The following CMTM3 variants were observed in gnomAD, a reference collection of about 807,000 sequenced individuals.
CMTM3 encodes CKLF like MARVEL transmembrane domain containing 3.
In CMTM3, 7 loss-of-function variants were observed where a neutral mutation model predicts 18.2. That is an observed-to-expected ratio of 0.38 (90% confidence interval 0.22 to 0.72). The LOEUF is 0.72. CMTM3 is among the 30% of genes least tolerant of loss of function. The probability of loss-of-function intolerance (pLI) is 0.46; values close to 1 mark genes in which losing one functional copy is unlikely to be tolerated. For missense variants in CMTM3, 227 were observed against 249.2 expected, an observed-to-expected ratio of 0.91 and a Z score of 0.60; for synonymous variants, 109 against 111.2, an observed-to-expected ratio of 0.98 and a Z score of 0.12.
intron 1 of CMTM3, among the ~76,000 whole-genome samples, chr16:66,607,723 G>C (rs540788097): frequency 6.6e-6 from 1 of 152,306 alleles, no homozygotes; most frequent in East Asian, 1.9e-4. Context: ...TGCTTGGAAG[G>C]CTGGGGCTTT....
rs2015127050 is a variant in CMTM3, at chr16:66,605,759, T to G, written c.147+807T>G. Among the ~76,000 whole-genome samples, 1 of 152,110 alleles carries G rather than the reference T, an allele frequency of 6.6e-6. No homozygotes were observed. The highest frequency in any genetic ancestry group is 1.5e-5 in the Non-Finnish European group (1 of 68,006). On this transcript the variant is annotated intron_variant, in intron 1 of 4. Transcript: ENST00000567572. This position sits in a 1 kb window ranked among gnomAD's most constrained non-coding sequence, Gnocchi z 4.6. ...CGCCTGATTTGACAGGTGGCTCAAC[T>G]GAGGGGCCCAGTGAGAGCGGCCAGG...
rs952768726 is a variant in CMTM3, at chr16:66,609,056, G to A, written c.304-379G>A. Reference sequence around the variant, plus strand: ...AGAAACTGTGGTCCATGAATGGATCGGCCACAAGAGTGTGACAAAGCCGAG... The same window carrying A: ...AGAAACTGTGGTCCATGAATGGATCAGCCACAAGAGTGTGACAAAGCCGAG... On this transcript the variant is annotated intron_variant, in intron 2 of 4. Coordinates refer to ENST00000567572, the MANE Select transcript of CMTM3 (RefSeq NM_181553.4). This position sits in a 1 kb window ranked among gnomAD's most constrained non-coding sequence, Gnocchi z 4.4. 2.0e-5 allele frequency among the ~76,000 whole-genome samples: 3 copies of A among 152,144 alleles called. No individual in the cohort carries two copies. The highest frequency in any genetic ancestry group is 6.5e-5 in the Admixed American group (1 of 15,278).
chr16:66,612,600 T>C lies in CMTM3; in HGVS notation c.521-9T>C. 6.2e-7 allele frequency: 1 copy of C among 1,613,944 alleles called. No homozygotes were observed. On this transcript the variant is annotated splice_polypyrimidine_tract_variant and intron_variant, in intron 4 of 4. Transcript: ENST00000567572. This position sits in a 1 kb window ranked among gnomAD's most constrained non-coding sequence, Gnocchi z 6.0. The stretch of plus-strand genomic sequence containing the variant: ...CTCCTGCCAAGCATCCTCTCTGCTT[T>C]CCTTTCAGAAGAGAATTCCGACTCG...
In CMTM3 at chr16:66,609,590, G is replaced by A; in HGVS notation, c.399+60G>A. ...ATGCCCCTCTAGCCCCTCATTTAGG[G>A]TGGGACCTGGGGCAGAGCCTTTCCC... is the stretch of plus-strand genomic sequence containing the variant. On this transcript the variant is annotated intron_variant, in intron 3 of 4. Transcript: ENST00000567572. The surrounding 1 kb of genome is among the most constrained non-coding windows in gnomAD (Gnocchi z 4.4). 6.5e-7 allele frequency: 1 copy of A among 1,533,898 alleles called. No individual in the cohort carries two copies. The highest frequency in any genetic ancestry group is 8.8e-7 in the Non-Finnish European group (1 of 1,131,674).
chr16:66,605,246 CCAGGCG>C lies in CMTM3; in HGVS notation c.147+296_147+301del. Reference sequence around the variant, plus strand: ...GGGGATGTGGGTCCTGCTGTGTGAGCCAGGCGCCCCCGCCCTCTCTGGGCCCCGGGG... The same window carrying C: ...GGGGATGTGGGTCCTGCTGTGTGAGCCCCCCGCCCTCTCTGGGCCCCGGGG... On this transcript the variant is annotated intron_variant, in intron 1 of 4. Coordinates refer to ENST00000567572, the MANE Select transcript of CMTM3 (RefSeq NM_181553.4). This position sits in a 1 kb window ranked among gnomAD's most constrained non-coding sequence, Gnocchi z 4.6. 3.6e-6 allele frequency: 1 copy of C among 275,968 alleles called. No individual in the cohort carries two copies. The highest frequency in any genetic ancestry group is 6.8e-6 in the Non-Finnish European group (1 of 147,380). 17.1% of individuals were successfully genotyped at this position (275,968 alleles called of 1,614,324 possible). A position where few individuals can be genotyped will look rare whatever the true frequency, so the allele number is the denominator to read the frequency against.
rs2015234269 is a variant in CMTM3 at position 66,608,230 on chromosome 16, C to G, written c.148-79C>G. On this transcript the variant is annotated intron_variant, in intron 1 of 4. Transcript: ENST00000567572. The surrounding 1 kb of genome is among the most constrained non-coding windows in gnomAD (Gnocchi z 5.1). ...CCTGCTGGAACCTCCTCTATCCTGA[C>G]CACAGGGCCTGGCTCAGAGGAGCAC... 5 of 1,526,298 alleles carry G rather than the reference C, an allele frequency of 3.3e-6. No individual in the cohort carries two copies. In the Admixed American group the frequency reaches 8.6e-5, roughly 26 times the overall value. 94.5% of individuals were successfully genotyped at this position (1,526,298 alleles called of 1,614,324 possible). A position where few individuals can be genotyped will look rare whatever the true frequency, so the allele number is the denominator to read the frequency against.
Position 66,609,745 on chromosome 16 carries a change from TC to T in CMTM3, c.400-136del. Reference sequence around the variant, plus strand: ...CAAGTTCACAGCTCATTTTCCCACTTCCGTTACTCACAGGGGTCTGTGCCTG... The same window carrying T: ...CAAGTTCACAGCTCATTTTCCCACTTCGTTACTCACAGGGGTCTGTGCCTG... On this transcript the variant is annotated intron_variant, in intron 3 of 4. Transcript: ENST00000567572. The surrounding 1 kb of genome is among the most constrained non-coding windows in gnomAD (Gnocchi z 4.4). 1.3e-6 allele frequency: 2 copies of T among 1,578,272 alleles called. No individual in the cohort carries two copies. The highest frequency in any genetic ancestry group is 1.7e-6 in the Non-Finnish European group (2 of 1,162,440).
Position 66,609,638 on chromosome 16 carries a change from C to T in CMTM3, c.399+108C>T. ...CCCTGCTGGGGCCCCCCTGGGGTCT[C>T]ATGTGGGTCCCGATGATGATTCCAA... On this transcript the variant is annotated intron_variant, in intron 3 of 4. Transcript: ENST00000567572. This position sits in a 1 kb window ranked among gnomAD's most constrained non-coding sequence, Gnocchi z 4.4. 1 of 1,515,474 alleles carries T rather than the reference C, an allele frequency of 6.6e-7. No homozygotes were observed. Among genetic ancestry groups the T allele is most frequent in the African/African-American group, 1.4e-5 (1 of 72,496 alleles). 93.9% of individuals were successfully genotyped at this position (1,515,474 alleles called of 1,614,324 possible).
In CMTM3 at chr16:66,612,445, C is replaced by T. The variant is rs1266703490; in HGVS notation, c.521-164C>T. On this transcript the variant is annotated intron_variant, in intron 4 of 4. Coordinates refer to ENST00000567572, the MANE Select transcript of CMTM3 (RefSeq NM_181553.4). This position sits in a 1 kb window ranked among gnomAD's most constrained non-coding sequence, Gnocchi z 6.0. ...TGCTGCCTGTGGAGGGCCTCAGGCC[C>T]GCGGCCTGCCCTGATGCCAGCGATC... is the stretch of plus-strand genomic sequence containing the variant. 2.6e-5 allele frequency among the ~76,000 whole-genome samples: 4 copies of T among 152,150 alleles called. No homozygotes were observed. Among genetic ancestry groups the T allele is most frequent in the African/African-American group, 7.2e-5 (3 of 41,450 alleles).
At chr16:66,607,379 T>C (rs548833903) in intron 1 of CMTM3, among the ~76,000 whole-genome samples, 24 of 152,208 alleles carry the variant, frequency 1.6e-4, no homozygotes, top group Non-Finnish European at 1.6e-4. Flanking sequence ...CAGCAGGGCC[T>C]GAGGTGTCAG....
rs561033326 is a variant in CMTM3 at position 66,606,023 on chromosome 16, A to AC, written c.147+1078dup. ...ATCCACCGTCCCCAGAGTGGCTTGAACCCCCCCATCCCCACCCAAGACCAC... is the reference window on the plus strand; with the variant it reads ...ATCCACCGTCCCCAGAGTGGCTTGAACCCCCCCCATCCCCACCCAAGACCAC... On this transcript the variant is annotated intron_variant, in intron 1 of 4. Transcript: ENST00000567572. Among the ~76,000 whole-genome samples the AC allele has an allele frequency of 3.2e-4, 47 of 148,876 alleles. No individual in the cohort carries two copies. The South Asian group carries it at 8.2e-3, about 26-fold the overall frequency.
At position 66,608,169 on chromosome 16, in the gene CMTM3, A is replaced by G; in HGVS notation, c.148-140A>G. ...CCTGGGATTCTAATCTGGCTCTGCCACTTCCCAGCTGCGGGACTGTGAGCA... is the reference window on the plus strand; with the variant it reads ...CCTGGGATTCTAATCTGGCTCTGCCGCTTCCCAGCTGCGGGACTGTGAGCA... On this transcript the variant is annotated intron_variant, in intron 1 of 4. Transcript: ENST00000567572. This position sits in a 1 kb window ranked among gnomAD's most constrained non-coding sequence, Gnocchi z 5.1. The G allele has an allele frequency of 1.1e-6, 1 of 870,392 alleles. No individual in the cohort carries two copies. Among genetic ancestry groups the G allele is most frequent in the Non-Finnish European group, 1.8e-6 (1 of 551,338 alleles). 53.9% of individuals were successfully genotyped at this position (870,392 alleles called of 1,614,324 possible).
rs1695764182 is a variant in CMTM3 at position 66,605,056 on chromosome 16, G to A, written c.147+104G>A. On this transcript the variant is annotated intron_variant, in intron 1 of 4. Coordinates refer to ENST00000567572, the MANE Select transcript of CMTM3 (RefSeq NM_181553.4). This position sits in a 1 kb window ranked among gnomAD's most constrained non-coding sequence, Gnocchi z 4.6. Reference sequence around the variant, plus strand: ...GGTCCGGGGGCGGCCGCCGTGCTCCGATACCCCCTCTCCGCGCCGCCTCGG... The same window carrying A: ...GGTCCGGGGGCGGCCGCCGTGCTCCAATACCCCCTCTCCGCGCCGCCTCGG... The A allele has an allele frequency of 2.8e-6, 3 of 1,054,880 alleles. No homozygotes were observed. Among genetic ancestry groups the A allele is most frequent in the Non-Finnish European group, 3.7e-6 (3 of 804,310 alleles). 65.3% of individuals were successfully genotyped at this position (1,054,880 alleles called of 1,614,324 possible).
intron 1 of CMTM3, among the ~76,000 whole-genome samples, chr16:66,607,763 G>A (rs1156350641): frequency 5.9e-5 from 9 of 152,124 alleles, no homozygotes; most frequent in Non-Finnish European, 1.2e-4. Flanking sequence ...GAGCTGGGGT[G>A]GGGTAAGGTG....
chr16:66,605,131 T>A lies in CMTM3; in HGVS notation c.147+179T>A, dbSNP rs2015089247. The A allele has an allele frequency of 1.9e-6, 1 of 516,328 alleles. No individual in the cohort carries two copies. Among genetic ancestry groups the A allele is most frequent in the Admixed American group, 4.6e-5 (1 of 21,844 alleles). 32.0% of individuals were successfully genotyped at this position (516,328 alleles called of 1,614,324 possible). A position where few individuals can be genotyped will look rare whatever the true frequency, so the allele number is the denominator to read the frequency against. ...AAGTTGGGTCGAGGTCCCCAAACTT[T>A]GGACGGCGGGGCGGGGCCCGAGCCC... is the stretch of plus-strand genomic sequence containing the variant. On this transcript the variant is annotated intron_variant, in intron 1 of 4. Coordinates refer to ENST00000567572, the MANE Select transcript of CMTM3 (RefSeq NM_181553.4). This position sits in a 1 kb window ranked among gnomAD's most constrained non-coding sequence, Gnocchi z 4.6.
chr16:66,612,278 C>G lies in CMTM3; in HGVS notation c.521-331C>G, dbSNP rs529572029. On this transcript the variant is annotated intron_variant, in intron 4 of 4. Transcript: ENST00000567572. This position sits in a 1 kb window ranked among gnomAD's most constrained non-coding sequence, Gnocchi z 6.0. ...AAAATTAGCCAGGTGTGGTGGCACACGCTTATAATCCCAGCTACTCGGGAG... is the reference window on the plus strand; with the variant it reads ...AAAATTAGCCAGGTGTGGTGGCACAGGCTTATAATCCCAGCTACTCGGGAG... Among the ~76,000 whole-genome samples the G allele has an allele frequency of 6.6e-6, 1 of 152,058 alleles. No individual in the cohort carries two copies. The highest frequency in any genetic ancestry group is 1.5e-5 in the Non-Finnish European group (1 of 68,012).
Position 66,608,381 on chromosome 16 carries a change from G to A in CMTM3, c.220G>A (p.Glu74Lys). 1 of 1,614,202 alleles carries A rather than the reference G, an allele frequency of 6.2e-7. No individual in the cohort carries two copies. The highest frequency in any genetic ancestry group is 8.5e-7 in the Non-Finnish European group (1 of 1,180,044). The change falls in exon 2 of 5, where the codon GAG becomes AAG. Residue 74 changes from glutamate (E) to lysine (K), a missense_variant. Glu to Lys is a moderately conservative substitution (Grantham distance 56, BLOSUM62 1). Transcript: ENST00000567572. This position sits in a 1 kb window ranked among gnomAD's most constrained non-coding sequence, Gnocchi z 5.1. ...ASAFLTAPLL[E>K]FLLALYFLFA... is the part of the protein sequence containing the mutation. ...TGCCTTCCTCACAGCGCCTCTGCTG[G>A]AGTTCCTGCTGGCCTTGTACTTCCT...
At position 66,609,406 on chromosome 16, in the gene CMTM3, C is replaced by A. The variant is rs758635322; in HGVS notation, c.304-29C>A. On this transcript the variant is annotated intron_variant, in intron 2 of 4. Coordinates refer to ENST00000567572, the MANE Select transcript of CMTM3 (RefSeq NM_181553.4). The surrounding 1 kb of genome is among the most constrained non-coding windows in gnomAD (Gnocchi z 4.4). ...CCCATGCTGTGCTCAGCTCCAGGGG[C>A]TCAGGGCAGCATGCCCCTCTCTCCC... 23 of 1,593,176 alleles carry A rather than the reference C, an allele frequency of 1.4e-5. No individual in the cohort carries two copies. The highest frequency in any genetic ancestry group is 2.0e-5 in the Non-Finnish European group (23 of 1,165,556).
Position 66,610,022 on chromosome 16 carries a change from C to T in CMTM3, c.520+19C>T. Reference sequence around the variant, plus strand: ...ACAGAAGGTAAGCGGCTGCCCTGATCACCCCAGCAGTGCTGCAACAGGGGC... The same window carrying T: ...ACAGAAGGTAAGCGGCTGCCCTGATTACCCCAGCAGTGCTGCAACAGGGGC... On this transcript the variant is annotated intron_variant, in intron 4 of 4. Coordinates refer to ENST00000567572, the MANE Select transcript of CMTM3 (RefSeq NM_181553.4). The surrounding 1 kb of genome is among the most constrained non-coding windows in gnomAD (Gnocchi z 4.6). The T allele has an allele frequency of 6.2e-7, 1 of 1,614,050 alleles. No homozygotes were observed. Among genetic ancestry groups the T allele is most frequent in the Non-Finnish European group, 8.5e-7 (1 of 1,179,966 alleles).
Sources: gnomAD v4.1 joint callset for allele counts (sites outside exome capture counted in the v4.1 genomes callset) on GRCh38, gnomAD v4.1.1 for gene constraint, Gnocchi (gnomAD v3.1) non-coding constraint, MANE v1.5 for transcripts, NCBI Gene and HGNC (gene_info 2026-07-23, HGNC 2026-07-21) for gene names.